The following MEF2D variants were observed in gnomAD, a reference collection of about 807,000 sequenced individuals.
MEF2D encodes myocyte enhancer factor 2D.
A neutral mutation model predicts 59.3 loss-of-function variants in MEF2D; 10 were observed. The ratio of observed to expected loss-of-function variants is 0.17; its 90% CI spans 0.10 to 0.29. The LOEUF is 0.29. Among genes scored for constraint, MEF2D ranks in the 10% least tolerant of loss-of-function variants. MEF2D has a pLI of 1.00. For missense variants in MEF2D, 508 were observed against 699.4 expected, an observed-to-expected ratio of 0.73 and a Z score of 3.09; for synonymous variants, 305 against 295.0, an observed-to-expected ratio of 1.03 and a Z score of -0.35.
At chr1:156,471,256 G>A (rs778060240) in intron 9 of MEF2D, among the ~76,000 whole-genome samples, 4 of 152,008 alleles carry the variant, frequency 2.6e-5, no homozygotes, top group Non-Finnish European at 4.4e-5. Context: ...TCAGCTTCCC[G>A]AGTAGCTGGG....
intron 3 of MEF2D, among the ~76,000 whole-genome samples, chr1:156,481,777 G>A (rs1244543808): frequency 6.6e-6 from 1 of 152,172 alleles, no homozygotes; most frequent in Non-Finnish European, 1.5e-5. Context: ...TATCCCCAAG[G>A]TGCACGCACC....
intron 9 of MEF2D, 62 bp downstream of exon 9, chr1:156,475,046 G>A: frequency 1.2e-6 from 2 of 1,610,210 alleles, no homozygotes; most frequent in Non-Finnish European, 1.7e-6. Flanking sequence ...TAGCATTTCT[G>A]TCTGGTCACT....
At chr1:156,481,898 A>G (rs975443581) in intron 3 of MEF2D, among the ~76,000 whole-genome samples, 4 of 152,260 alleles carry the variant, frequency 2.6e-5, no homozygotes, top group African/African-American at 9.6e-5. Flanking sequence ...GCACCTGCCC[A>G]AGGCCATGTG....
At chr1:156,496,883 G>A (rs935936226) in intron 1 of MEF2D, among the ~76,000 whole-genome samples, 2 of 152,182 alleles carry the variant, frequency 1.3e-5, no homozygotes, top group African/African-American at 2.4e-5. Context: ...CAGGACAAAC[G>A]CCTCAGAATA....
intron 8 of MEF2D, among the ~76,000 whole-genome samples, chr1:156,475,711 C>T (rs142134884): frequency 0.011 from 1,730 of 152,350 alleles, 10 homozygotes; most frequent in Middle Eastern, 0.041. Context: ...CTCCATCTGC[C>T]GCTGAGTCAC....
intron 8 of MEF2D, among the ~76,000 whole-genome samples, chr1:156,475,473 A>G (rs1465357721): frequency 2.6e-5 from 4 of 152,222 alleles, no homozygotes; most frequent in African/African-American, 9.6e-5. Context: ...GCAAAGATGA[A>G]GGCACGTGTA....
intron 1 of MEF2D, among the ~76,000 whole-genome samples, chr1:156,487,418 G>A (rs567391519): frequency 2.8e-4 from 43 of 152,204 alleles, no homozygotes; most frequent in Admixed American, 4.6e-4. Context: ...GCCAGAGGAG[G>A]AGATGCCCCT....
chr1:156,470,618 A>C (rs979660845), intron 9 of MEF2D, among the ~76,000 whole-genome samples: 2 of 152,088 alleles, frequency 1.3e-5, no homozygotes, highest in African/African-American at 4.8e-5. Context: ...TATAGCAATA[A>C]GGTTAAAGGC....
intron 3 of MEF2D, among the ~76,000 whole-genome samples, chr1:156,481,633 T>TA (rs960345786): frequency 6.6e-6 from 1 of 152,362 alleles, no homozygotes; most frequent in African/African-American, 2.4e-5. Flanking sequence ...GCTTTGTCTT[T>TA]AAAATGAATG....
intron 8 of MEF2D, 60 bp downstream of exon 8, chr1:156,476,434 G>T: frequency 6.3e-7 from 1 of 1,580,210 alleles, no homozygotes; most frequent in Non-Finnish European, 8.7e-7. Context: ...TCATGCTGGG[G>T]GACCGCAGAG....
At chr1:156,483,147 C>T in intron 2 of MEF2D, 92 bp downstream of exon 2, 1 of 1,350,956 alleles carries the variant, frequency 7.4e-7, no homozygotes, top group South Asian at 1.2e-5. Context: ...TTCCCCTCTT[C>T]CACAAAGCCC....
rs143845887 is a variant in MEF2D, at chr1:156,475,460, C to T, written c.877-223G>A. 3.9e-4 allele frequency among the ~76,000 whole-genome samples: 60 copies of T among 152,368 alleles called. No individual in the cohort carries two copies. The East Asian group carries it at 7.7e-3, about 20-fold the overall frequency. On this transcript the variant is annotated intron_variant, in intron 8 of 11. Coordinates refer to ENST00000348159, the MANE Select transcript of MEF2D (RefSeq NM_005920.4). The stretch of plus-strand genomic sequence containing the variant: ...ACACAGATTCACTGACACCAACACA[C>T]GTGCAAAGATGAAGGCACGTGTACT...
At chr1:156,498,537 T>C (rs1357690399) in intron 1 of MEF2D, among the ~76,000 whole-genome samples, 1 of 151,832 alleles carries the variant, frequency 6.6e-6, no homozygotes, top group Non-Finnish European at 1.5e-5. Flanking sequence ...TGATCTCAGG[T>C]AAAAAACTCA....
At position 156,477,442 on chromosome 1, in the gene MEF2D, T is replaced by C. The variant is rs1191280036; in HGVS notation, c.665-240A>G. ...TCCCCTAACTCCAAGCTACATGTGA[T>C]AGGGCTTGGTGATGGGACTCTGAAG... On this transcript the variant is annotated intron_variant, in intron 6 of 11. Coordinates refer to ENST00000348159, the MANE Select transcript of MEF2D (RefSeq NM_005920.4). 2.6e-5 allele frequency among the ~76,000 whole-genome samples: 4 copies of C among 152,172 alleles called. No homozygotes were observed. In the East Asian group the frequency reaches 5.8e-4, roughly 22 times the overall value.
rs1672153242 is a variant in MEF2D at position 156,483,431 on chromosome 1, C to G, written c.-138-1G>C. 3.6e-6 allele frequency: 3 copies of G among 824,392 alleles called. No homozygotes were observed. The highest frequency in any genetic ancestry group is 5.1e-5 in the East Asian group (2 of 39,218). 51.1% of individuals were successfully genotyped at this position (824,392 alleles called of 1,614,324 possible). A position where few individuals can be genotyped will look rare whatever the true frequency, so the allele number is the denominator to read the frequency against. On this transcript the variant is annotated splice_acceptor_variant, in intron 1 of 11. Transcript: ENST00000348159. LOFTEE classifies it low-confidence loss of function (5UTR_SPLICE). ...TGCAGGATACCTTCTGCACAGCCTCCTGGAAAGGGAGGGTCATGAGAGGTC... is the reference window on the plus strand; with the variant it reads ...TGCAGGATACCTTCTGCACAGCCTCGTGGAAAGGGAGGGTCATGAGAGGTC...
chr1:156,495,676 A>T (rs1673088329), intron 1 of MEF2D, among the ~76,000 whole-genome samples: 1 of 132,960 alleles, frequency 7.5e-6, no homozygotes, highest in South Asian at 2.5e-4. Flanking sequence ...AAAAAATTAA[A>T]AAGTTGTGGT....
intron 1 of MEF2D, among the ~76,000 whole-genome samples, chr1:156,493,458 G>A (rs142331628): frequency 3.3e-5 from 5 of 152,240 alleles, no homozygotes; most frequent in African/African-American, 4.8e-5. Flanking sequence ...TTGTGGCTGC[G>A]TGGGCCTGCT....
chr1:156,480,347 C>A (rs1032684046), intron 4 of MEF2D, among the ~76,000 whole-genome samples: 12 of 152,216 alleles, frequency 7.9e-5, no homozygotes, highest in South Asian at 4.1e-4. Context: ...GCCTCTCCCC[C>A]CAAAAAAACA....
At chr1:156,476,438 C>T (rs557377114) in intron 8 of MEF2D, 56 bp downstream of exon 8, 16 of 1,589,492 alleles carry the variant, frequency 1.0e-5, no homozygotes, top group African/African-American at 6.7e-5. Flanking sequence ...GCTGGGGGAC[C>T]GCAGAGCAAT....
Sources: allele counts gnomAD v4.1 joint callset (sites outside exome capture counted in the v4.1 genomes callset), GRCh38; gene constraint gnomAD v4.1.1; transcripts MANE v1.5; gene names NCBI Gene and HGNC (gene_info 2026-07-23, HGNC 2026-07-21).